PPRC1: variants seen among roughly 807,000 people sequenced by gnomAD.
PPRC1 encodes peroxisome proliferator-activated receptor gamma coactivator-related protein 1.
A neutral mutation model predicts 132.5 loss-of-function variants in PPRC1; 23 were observed. The ratio of observed to expected loss-of-function variants is 0.17; its 90% CI spans 0.12 to 0.25. The LOEUF (loss-of-function observed/expected upper bound fraction) is 0.25. Among genes scored for constraint, PPRC1 ranks in the 10% least tolerant of loss-of-function variants. The probability of loss-of-function intolerance (pLI) is 1.00; values close to 1 mark genes in which losing one functional copy is unlikely to be tolerated. For synonymous variants in PPRC1, 872 were observed against 833.5 expected (o/e 1.05, Z -0.80); for missense variants, 2,006 against 2,089.1 (o/e 0.96, Z 0.78).
chr10:102,138,281 G>C (rs2068799622), intron 2 of PPRC1, among the ~76,000 whole-genome samples: 1 of 152,130 alleles, frequency 6.6e-6, no homozygotes, highest in Non-Finnish European at 1.5e-5. Flanking sequence ...CCACTGTCTG[G>C]GCCCCTGAAC....
chr10:102,144,165 C>T (rs2069118749), intron 6 of PPRC1, 85 bp from the exon 7 acceptor site: 12 of 1,355,378 alleles, frequency 8.9e-6, no homozygotes, highest in South Asian at 8.2e-5. Flanking sequence ...GGATTTTCCT[C>T]CTTTGGGTCT....
chr10:102,139,679 A>G lies in PPRC1; in HGVS notation c.1171A>G (p.Met391Val). The G allele has an allele frequency of 6.2e-7, 1 of 1,614,106 alleles. No individual in the cohort carries two copies. Among genetic ancestry groups the G allele is most frequent in the African/African-American group, 1.3e-5 (1 of 75,052 alleles). Reference protein sequence around the residue: ...LETSSALQLLMPTLESETEAA... With the variant: ...LETSSALQLLVPTLESETEAA... ...GACTAGTTCTGCCTTGCAGCTGCTT[A>G]TGCCTACACTGGAGTCAGAGACAGA... is the stretch of plus-strand genomic sequence containing the variant. Residue 391 changes from methionine (M) to valine (V), a missense_variant, in exon 5 of 14, where the codon ATG becomes GTG. Met to Val is a conservative substitution (Grantham distance 21). Around this residue, in one of 2 missense-constraint regions of PPRC1, gnomAD observed 1,914 missense variants for 1,917.2 expected, o/e 1.00. Transcript: ENST00000278070.
chr10:102,141,868 T>C lies in PPRC1; in HGVS notation c.3360T>C (p.Ala1120=), dbSNP rs1263558202. The C allele has an allele frequency of 6.2e-7, 1 of 1,614,164 alleles. No individual in the cohort carries two copies. Among genetic ancestry groups the C allele is most frequent in the Non-Finnish European group, 8.5e-7 (1 of 1,180,022 alleles). Residue 1120 remains alanine, a synonymous_variant, in exon 5 of 14, where the codon GCT becomes GCC. Coordinates refer to ENST00000278070, the MANE Select transcript of PPRC1 (RefSeq NM_015062.5). Reference sequence around the variant, plus strand: ...AGCCCCCCTTGCCTGCTACCAAGGCTGTTCCCACACCAAGGCAGAGCACTG... The same window carrying C: ...AGCCCCCCTTGCCTGCTACCAAGGCCGTTCCCACACCAAGGCAGAGCACTG... ...REKPPLPATK[A]VPTPRQSTVP...
At position 102,140,663 on chromosome 10, in the gene PPRC1, C is replaced by T. The variant is rs778884508; in HGVS notation, c.2155C>T (p.Pro719Ser). ...CGTGGAGTCAGAGTCCTTGGACCCA[C>T]CAAAGACCATCATCCCTGAAGTCAA... ...LLVESESLDPPKTIIPEVKEV... is the reference protein window; with the variant it reads ...LLVESESLDPSKTIIPEVKEV... Residue 719 changes from proline (P) to serine (S), a missense_variant, in exon 5 of 14, where the codon CCA (proline) becomes TCA (serine). This residue lies in a region of PPRC1 where 1,914 missense variants were observed against 1,917.2 expected (regional missense o/e 1.00). Coordinates refer to ENST00000278070, the MANE Select transcript of PPRC1 (RefSeq NM_015062.5). 1.9e-6 allele frequency: 3 copies of T among 1,614,074 alleles called. No individual in the cohort carries two copies. In the Admixed American group the frequency reaches 5.0e-5, roughly 27 times the overall value.
chr10:102,149,894 A>C, intron 13 of PPRC1, 32 bp from the exon 14 acceptor site: 1 of 1,526,262 alleles, frequency 6.6e-7, no homozygotes, highest in Non-Finnish European at 9.1e-7. Flanking sequence ...AAGTGTGGTC[A>C]GAGACCTTGA....
chr10:102,145,324 G>GT (rs997082894), intron 8 of PPRC1, among the ~76,000 whole-genome samples: 2 of 152,124 alleles, frequency 1.3e-5, no homozygotes, highest in African/African-American at 4.8e-5. Context: ...CCCAGCACTT[G>GT]TGGGAGGCTG....
the PPRC1 span, chr10:102,120,083 C>T: frequency 6.9e-7 from 1 of 1,443,218 alleles, no homozygotes; most frequent in Non-Finnish European, 9.2e-7. Context: ...ACGCCCCACT[C>T]ACCAGGACAG....
At chr10:102,127,381 TAAATA>T in the PPRC1 span, among the ~76,000 whole-genome samples, 2 of 147,670 alleles carry the variant, frequency 1.4e-5, no homozygotes, top group South Asian at 2.1e-4. Context: ...CTCAAAAAAA[TAAATA>T]AAATAAAATA....
rs747876315 is a variant in PPRC1, at chr10:102,141,217, A to G, written c.2709A>G (p.Pro903=). The change falls in exon 5 of 14, where the codon CCA becomes CCG. Residue 903 remains proline (P), a synonymous_variant. Transcript: ENST00000278070. ...CTCCCTTGCAGCCTCCTAGTCTTCCATTGTCTATGGGGCCAGTACTACCTG... is the reference window on the plus strand; with the variant it reads ...CTCCCTTGCAGCCTCCTAGTCTTCCGTTGTCTATGGGGCCAGTACTACCTG... ...PPPPLQPPSL[P]LSMGPVLPDP... is the part of the protein sequence containing the mutation. 3.7e-6 allele frequency: 6 copies of G among 1,611,594 alleles called. No individual in the cohort carries two copies. The highest frequency in any genetic ancestry group is 2.2e-5 in the South Asian group (2 of 90,974).
intron 6 of PPRC1, 105 bp downstream of exon 6, chr10:102,143,203 C>A: frequency 2.9e-6 from 3 of 1,052,024 alleles, no homozygotes; most frequent in South Asian, 1.4e-5. Flanking sequence ...CAGCCTTAGC[C>A]ACTGGAGCAG....
At chr10:102,120,971 T>A in the PPRC1 span, among the ~76,000 whole-genome samples, 1 of 152,134 alleles carries the variant, frequency 6.6e-6, no homozygotes, top group African/African-American at 2.4e-5. Context: ...CTAGGCTGGA[T>A]GGGTAAAGAA....
In PPRC1 at chr10:102,149,906, G is replaced by A. The variant is rs372337362; in HGVS notation, c.4892-20G>A. 7.6e-6 allele frequency: 12 copies of A among 1,572,684 alleles called. 1 individual carries two copies. In the East Asian group the frequency reaches 2.0e-4, roughly 26 times the overall value. On this transcript the variant is annotated intron_variant, in intron 13 of 13. Transcript: ENST00000278070. The stretch of plus-strand genomic sequence containing the variant: ...GGGAAGTGTGGTCAGAGACCTTGAA[G>A]TTTGTCTTTACCTTTATAGACTCCA...
the PPRC1 span, among the ~76,000 whole-genome samples, chr10:102,126,756 G>C: frequency 6.6e-6 from 1 of 151,916 alleles, no homozygotes; most frequent in Non-Finnish European, 1.5e-5. Flanking sequence ...ACCACACCCA[G>C]CCGCAGCCGT....
At chr10:102,126,297 G>A in the PPRC1 span, among the ~76,000 whole-genome samples, 4 of 151,674 alleles carry the variant, frequency 2.6e-5, no homozygotes, top group Non-Finnish European at 5.9e-5. Flanking sequence ...AACTGAGATT[G>A]CACTATTGTA....
upstream of PPRC1, among the ~76,000 whole-genome samples, chr10:102,130,374 G>A (rs554533435): frequency 5.3e-5 from 7 of 131,538 alleles, no homozygotes; most frequent in East Asian, 1.6e-3. Context: ...CCGAGATCGC[G>A]CCACTGCACT....
intron 7 of PPRC1, 74 bp downstream of exon 7, chr10:102,144,381 C>A: frequency 7.1e-7 from 1 of 1,413,624 alleles, no homozygotes; most frequent in Non-Finnish European, 9.9e-7. Context: ...GGACTGTCAA[C>A]TGGATGCCTC....
At chr10:102,127,289 C>T in the PPRC1 span, among the ~76,000 whole-genome samples, 1 of 151,728 alleles carries the variant, frequency 6.6e-6, no homozygotes, top group Non-Finnish European at 1.5e-5. Context: ...GTAGGAGAAT[C>T]GCTTGAACCT....
chr10:102,132,380 A>G (rs1019979164), upstream of PPRC1, among the ~76,000 whole-genome samples: 1 of 152,240 alleles, frequency 6.6e-6, no homozygotes, highest in African/African-American at 2.4e-5. Flanking sequence ...AGCCTTTCCT[A>G]GATTAAATAA....
intron 5 of PPRC1, among the ~76,000 whole-genome samples, chr10:102,142,751 C>T (rs1051915405): frequency 7.9e-5 from 12 of 152,078 alleles, no homozygotes; most frequent in African/African-American, 2.9e-4. Context: ...CACTGTGTTG[C>T]CCAGGCTGGA....
Sources: gnomAD v4.1 joint callset for allele counts (sites outside exome capture counted in the v4.1 genomes callset) on GRCh38, gnomAD v4.1.1 for gene constraint, gnomAD v4.1.1 regional missense constraint, MANE v1.5 for transcripts, NCBI Gene and HGNC (gene_info 2026-07-23, HGNC 2026-07-21) for gene names.